Variants in KIAA0930 observed in about 807,000 individuals in gnomAD.
KIAA0930 encodes the protein KIAA0930, also known as uncharacterized protein KIAA0930.
Under a neutral mutation model 43.9 loss-of-function variants are expected in KIAA0930, and 24 were observed. That is an observed-to-expected ratio of 0.55 (90% CI 0.40 to 0.77). KIAA0930 has a LOEUF of 0.77. KIAA0930 is among the 30% of genes least tolerant of loss of function. The pLI is 0.00. For missense variants in KIAA0930, 461 were observed against 574.2 expected, an observed-to-expected ratio of 0.80 and a Z score of 2.02; for synonymous variants, 259 against 216.4, an observed-to-expected ratio of 1.20 and a Z score of -1.73.
Position 45,199,892 on chromosome 22 carries a change from G to C in KIAA0930, c.996C>G (p.Phe332Leu). The C allele has an allele frequency of 6.3e-7, 1 of 1,591,418 alleles. No homozygotes were observed. Among genetic ancestry groups the C allele is most frequent in the Non-Finnish European group, 8.6e-7 (1 of 1,164,738 alleles). ...SHSANDSEEF[F>L]REDDGGADLH... ...GGTCACCTCCACCGTCGTCCTCCCG[G>C]AAGAACTCCTCGCTGTCGTTGGCCG... The change falls in exon 8 of 10, where the codon TTC becomes TTG. Residue 332 changes from phenylalanine (F) to leucine (L), a missense_variant. By Grantham distance (22) the Phe-to-Leu change is conservative. Transcript: ENST00000336156.
intron 1 of KIAA0930, among the ~76,000 whole-genome samples, chr22:45,215,018 G>A (rs765543206): frequency 4.6e-5 from 7 of 152,154 alleles, no homozygotes; most frequent in Non-Finnish European, 1.0e-4. Flanking sequence ...AGGAGTTCAA[G>A]ACCAGCCTGA....
At chr22:45,224,006 G>GA (rs1431701510) in intron 1 of KIAA0930, among the ~76,000 whole-genome samples, 2 of 152,182 alleles carry the variant, frequency 1.3e-5, no homozygotes, top group Non-Finnish European at 2.9e-5. Flanking sequence ...CCTCTGGGGA[G>GA]AAAAACTATG....
chr22:45,210,714 C>T (rs1569076712), intron 2 of KIAA0930, among the ~76,000 whole-genome samples: 2 of 95,826 alleles, frequency 2.1e-5, no homozygotes, highest in Admixed American at 1.0e-4. Context: ...GATCCCATCA[C>T]CAGTCAGGCC....
In KIAA0930 at chr22:45,231,908, G is replaced by T. The variant is rs537887726; in HGVS notation, c.64+8732C>A. Among the ~76,000 whole-genome samples, 5 of 152,226 alleles carry T rather than the reference G, an allele frequency of 3.3e-5. No individual in the cohort carries two copies. The East Asian group carries it at 7.7e-4, about 24-fold the overall frequency. ...CGGGAGGCTGAGGCAGGAGAATGGC[G>T]TGAACCTGGGAGGCGGAGCTTGCAG... is the stretch of plus-strand genomic sequence containing the variant. On this transcript the variant is annotated intron_variant, in intron 1 of 9. Transcript: ENST00000336156.
chr22:45,240,005 C>T (rs531121348), intron 1 of KIAA0930, among the ~76,000 whole-genome samples: 24 of 152,022 alleles, frequency 1.6e-4, no homozygotes, highest in Non-Finnish European at 3.2e-4. Context: ...TCCCACGCCC[C>T]CCAGCAGATC....
chr22:45,235,170 G>A (rs934542626), intron 1 of KIAA0930: 2 of 152,482 alleles, frequency 1.3e-5, no homozygotes, highest in East Asian at 1.9e-4. Flanking sequence ...TGCCATGGAA[G>A]TTCCTCTGCA....
rs1174286811 is a variant in KIAA0930 at position 45,202,899 on chromosome 22, C to T, written c.852+91G>A. ...CACTGGTGGTTGGGGATGACAACACCTATGTCCCCAGGGGGCCGTGAGCAC... is the reference window on the plus strand; with the variant it reads ...CACTGGTGGTTGGGGATGACAACACTTATGTCCCCAGGGGGCCGTGAGCAC... On this transcript the variant is annotated intron_variant, in intron 7 of 9. Coordinates refer to ENST00000336156, the MANE Select transcript of KIAA0930 (RefSeq NM_001009880.2). 3.6e-6 allele frequency: 4 copies of T among 1,111,784 alleles called. 1 individual carries two copies. The African/African-American group carries it at 4.7e-5, about 13-fold the overall frequency. 68.9% of individuals were successfully genotyped at this position (1,111,784 alleles called of 1,614,324 possible). A position where few individuals can be genotyped will look rare whatever the true frequency, so the allele number is the denominator to read the frequency against.
At chr22:45,210,211 G>A (rs919668219) in intron 2 of KIAA0930, among the ~76,000 whole-genome samples, 2 of 152,210 alleles carry the variant, frequency 1.3e-5, no homozygotes, top group Admixed American at 6.5e-5. Flanking sequence ...TTTGGGGGTG[G>A]GAGAAAAGTT....
intron 1 of KIAA0930, among the ~76,000 whole-genome samples, chr22:45,230,989 C>T (rs1187357148): frequency 1.3e-5 from 2 of 152,020 alleles, no homozygotes; most frequent in Non-Finnish European, 2.9e-5. Context: ...CTCAACATAC[C>T]TGTAATCCCA....
In KIAA0930 at chr22:45,205,875, C is replaced by G; in HGVS notation, c.254G>C (p.Arg85Pro). The G allele has an allele frequency of 6.2e-7, 1 of 1,613,406 alleles. No individual in the cohort carries two copies. Among genetic ancestry groups the G allele is most frequent in the Non-Finnish European group, 8.5e-7 (1 of 1,179,898 alleles). The change falls in exon 3 of 10, where the codon CGG becomes CCG. Residue 85 changes from arginine to proline, a missense_variant. Physicochemically the swap from Arg to Pro is moderately radical, Grantham distance 103. Coordinates refer to ENST00000336156, the MANE Select transcript of KIAA0930 (RefSeq NM_001009880.2). ...EPEVEVEVYR[R>P]DSKKLPGLGD... ...CAGGCCTGGCAGCTTCTTGGAGTCC[C>G]GCCGGTACACCTCCACCTCCACCTC... is the stretch of plus-strand genomic sequence containing the variant.
chr22:45,205,071 G>C (rs2083623970), intron 5 of KIAA0930, 146 bp downstream of exon 5: 2 of 662,620 alleles, frequency 3.0e-6, no homozygotes, highest in East Asian at 2.7e-5. Flanking sequence ...ACTGGGAAGA[G>C]AGAGAGCCAC....
chr22:45,232,220 G>A (rs1448260775), intron 1 of KIAA0930, among the ~76,000 whole-genome samples: 1 of 152,182 alleles, frequency 6.6e-6, no homozygotes, highest in East Asian at 1.9e-4. Flanking sequence ...AGGGTGTGCA[G>A]GGCAGCACTT....
At chr22:45,205,737 G>A (rs760617062) in intron 3 of KIAA0930, 30 bp from the exon 4 acceptor site, 8 of 1,613,756 alleles carry the variant, frequency 5.0e-6, no homozygotes, top group Non-Finnish European at 6.8e-6. Context: ...AGCGTGCAGG[G>A]AGGGGTCAGC....
At chr22:45,232,549 G>A (rs151280149) in intron 1 of KIAA0930, among the ~76,000 whole-genome samples, 2 of 146,634 alleles carry the variant, frequency 1.4e-5, no homozygotes, top group African/African-American at 4.9e-5. Flanking sequence ...AGTCTCCCCT[G>A]TCTGTGTCAG....
At chr22:45,200,370 T>G (rs2083577097) in intron 7 of KIAA0930, among the ~76,000 whole-genome samples, 1 of 152,148 alleles carries the variant, frequency 6.6e-6, no homozygotes, top group South Asian at 2.1e-4. Context: ...CTGCTGACGC[T>G]GAGTGAGCAC....
intron 1 of KIAA0930, chr22:45,235,123 G>A (rs1479421640): frequency 1.3e-5 from 2 of 152,270 alleles, no homozygotes; most frequent in Admixed American, 6.5e-5. Context: ...CTCGATGAAG[G>A]AGGCAAGGAG....
intron 6 of KIAA0930, 103 bp from the exon 7 acceptor site, chr22:45,203,287 G>T: frequency 1.6e-6 from 2 of 1,223,110 alleles, no homozygotes; most frequent in South Asian, 1.5e-5. Flanking sequence ...CTCAAGGAGC[G>T]GGGGCTGCCC....
chr22:45,236,570 G>A (rs1485241258), intron 1 of KIAA0930, among the ~76,000 whole-genome samples: 1 of 152,072 alleles, frequency 6.6e-6, no homozygotes, highest in Non-Finnish European at 1.5e-5. Context: ...TCCATCCACT[G>A]TGGCCAGGCT....
rs114631211 is a variant in KIAA0930 at position 45,204,917 on chromosome 22, G to C, written c.516+300C>G. Reference sequence around the variant, plus strand: ...TCCTCCCGCCCGGGCAGTGCTTCTTGCAAGAGTTTATGAGGCGTCCTCCCA... The same window carrying C: ...TCCTCCCGCCCGGGCAGTGCTTCTTCCAAGAGTTTATGAGGCGTCCTCCCA... On this transcript the variant is annotated intron_variant, in intron 5 of 9. Transcript: ENST00000336156. Among the ~76,000 whole-genome samples the C allele has an allele frequency of 5.9e-3, 898 of 152,232 alleles. 15 individuals carry two copies. Among genetic ancestry groups the C allele is most frequent in the African/African-American group, 0.021 (860 of 41,530 alleles).
Sources: allele counts gnomAD v4.1 joint callset (sites outside exome capture counted in the v4.1 genomes callset), GRCh38; gene constraint gnomAD v4.1.1; transcripts MANE v1.5; gene names NCBI Gene and HGNC (gene_info 2026-07-23, HGNC 2026-07-21).